Variants in CLGN observed in about 807,000 individuals in gnomAD.
The protein encoded by CLGN is testis tissue sperm-binding protein Li 79P.
CLGN carries 62 observed loss-of-function variants against 79.1 expected under a neutral mutation model. The observed-to-expected ratio is 0.78, with a 90% CI of 0.64 to 0.97. The LOEUF (loss-of-function observed/expected upper bound fraction) is 0.97, where lower values mean the gene tolerates loss of function less well. Ranked by LOEUF, CLGN falls within the 50% of genes least tolerant of loss-of-function variation. CLGN has a pLI of 0.00. For synonymous variants in CLGN, 225 were observed against 224.7 expected (o/e 1.00, Z -0.01); for missense variants, 647 against 715.5 (o/e 0.90, Z 1.09).
intron 5 of CLGN, among the ~76,000 whole-genome samples, chr4:140,404,391 C>A (rs1729056313): frequency 6.6e-6 from 1 of 152,050 alleles, no homozygotes; most frequent in Non-Finnish European, 1.5e-5. Flanking sequence ...CTGCGCCAGG[C>A]CTTTACTTCC....
Position 140,389,912 on chromosome 4 carries a change from A to T in CLGN, c.1753-608T>A, listed in dbSNP as rs1037334795. 3.3e-5 allele frequency among the ~76,000 whole-genome samples: 5 copies of T among 151,830 alleles called. 1 individual carries two copies. Among genetic ancestry groups the T allele is most frequent in the Non-Finnish European group, 5.9e-5 (4 of 67,730 alleles). On this transcript the variant is annotated intron_variant, in intron 14 of 14. Coordinates refer to ENST00000325617, the MANE Select transcript of CLGN (RefSeq NM_004362.3). The stretch of plus-strand genomic sequence containing the variant: ...AGAACTGTACTTTTATCCTACCTAC[A>T]TAGTTGGAATGTAATATGTTAGGAT...
intron 9 of CLGN, 26 bp downstream of exon 9, chr4:140,396,066 G>A (rs76628856): frequency 0.049 from 79,136 of 1,609,344 alleles, 2,559 homozygotes; most frequent in Middle Eastern, 0.11. Context: ...ATTTGAAATC[G>A]ACATTTGAAG....
At chr4:140,412,901 G>A in intron 2 of CLGN, 34 bp downstream of exon 2, 2 of 1,578,910 alleles carry the variant, frequency 1.3e-6, no homozygotes, top group South Asian at 1.1e-5. Context: ...CTATGTAAAG[G>A]AATAATTTAT....
Position 140,393,849 on chromosome 4 carries a change from T to C in CLGN, c.1342A>G (p.Ile448Val), listed in dbSNP as rs1359913092. The C allele has an allele frequency of 6.2e-7, 1 of 1,613,572 alleles. No homozygotes were observed. Among genetic ancestry groups the C allele is most frequent in the Admixed American group, 1.7e-5 (1 of 59,986 alleles). ...ACCTTATTAGCATTTGCTATCATTA[T>C]TTTCCATCTCCAACCATCTGCAGCC... is the stretch of plus-strand genomic sequence containing the variant. ...HWAADGWRWK[I>V]MIANANKPGV... Residue 448 changes from isoleucine to valine, a missense_variant, in exon 11 of 15, where the codon ATA becomes GTA. Ile to Val is a conservative substitution (Grantham distance 29). Transcript: ENST00000325617.
chr4:140,422,974 G>C (rs1029062292), intron 1 of CLGN, among the ~76,000 whole-genome samples: 1 of 152,020 alleles, frequency 6.6e-6, no homozygotes, highest in Admixed American at 6.6e-5. Context: ...TTAGGGTTTT[G>C]TACATACATA....
chr4:140,409,803 C>T (rs377276817), intron 4 of CLGN, 34 bp downstream of exon 4: 2 of 1,412,096 alleles, frequency 1.4e-6, no homozygotes, highest in Non-Finnish European at 2.0e-6. Context: ...CCAGGCCATA[C>T]TGGTTATATC....
At chr4:140,420,805 G>A (rs1159153951) in intron 1 of CLGN, among the ~76,000 whole-genome samples, 1 of 152,114 alleles carries the variant, frequency 6.6e-6, no homozygotes, top group Non-Finnish European at 1.5e-5. Flanking sequence ...GTCAGATGCT[G>A]GGGTAATACT....
rs115238672 is a variant in CLGN, at chr4:140,398,976, G to A, written c.759C>T (p.Leu253=). The A allele has an allele frequency of 0.015, 23,655 of 1,613,794 alleles. 241 individuals carry two copies. The highest frequency in any genetic ancestry group is 0.034 in the South Asian group (3,126 of 91,052). The stretch of plus-strand genomic sequence containing the variant: ...TGATAGGAGGAACCACATCCTCTAG[G>A]AGGCTTCCTTTGTTTACAACTGTTT... ...VDQTVVNKGS[L]LEDVVPPIKP... is the part of the protein sequence containing the mutation. The change falls in exon 8 of 15, where the codon CTC becomes CTT. Residue 253 remains leucine, a synonymous_variant. Coordinates refer to ENST00000325617, the MANE Select transcript of CLGN (RefSeq NM_004362.3).
At chr4:140,406,416 A>G (rs1226589835) in intron 4 of CLGN, among the ~76,000 whole-genome samples, 1 of 152,218 alleles carries the variant, frequency 6.6e-6, no homozygotes, top group Non-Finnish European at 1.5e-5. Flanking sequence ...GTTTGTCTCA[A>G]TAGGGTATGT....
chr4:140,398,535 A>G (rs1306327349), intron 8 of CLGN, among the ~76,000 whole-genome samples: 1 of 152,042 alleles, frequency 6.6e-6, no homozygotes, highest in Non-Finnish European at 1.5e-5. Flanking sequence ...TCTCACACAC[A>G]TACAATAAAG....
chr4:140,392,434 T>C (rs1264093378), intron 12 of CLGN, 56 bp from the exon 13 acceptor site: 3 of 1,528,594 alleles, frequency 2.0e-6, no homozygotes, highest in Admixed American at 4.4e-5. Context: ...TTTTGAAAGT[T>C]TTTTTGCAAT....
intron 6 of CLGN, among the ~76,000 whole-genome samples, chr4:140,401,688 G>T (rs973260910): frequency 1.3e-5 from 2 of 152,042 alleles, no homozygotes; most frequent in Non-Finnish European, 2.9e-5. Flanking sequence ...ATTCTGTAAA[G>T]AAAATAACTC....
chr4:140,396,126 T>C lies in CLGN; in HGVS notation c.964A>G (p.Ile322Val), dbSNP rs750614926. 6.2e-7 allele frequency: 1 copy of C among 1,614,190 alleles called. No individual in the cohort carries two copies. The highest frequency in any genetic ancestry group is 1.1e-5 in the South Asian group (1 of 91,084). ...GGTTTTTCAGCATTAGGATCAGGGA[T>C]AAATTTTGGTTCATCATCAAGCCAG... is the stretch of plus-strand genomic sequence containing the variant. ...AGWLDDEPKF[I>V]PDPNAEKPDD... The change falls in exon 9 of 15, where the codon ATC becomes GTC. Residue 322 changes from isoleucine to valine, a missense_variant. Coordinates refer to ENST00000325617, the MANE Select transcript of CLGN (RefSeq NM_004362.3).
At chr4:140,405,183 T>TTTTTTTTTA (rs1729079147) in intron 5 of CLGN, among the ~76,000 whole-genome samples, 2 of 91,490 alleles carry the variant, frequency 2.2e-5, no homozygotes, top group Non-Finnish European at 5.9e-5. Flanking sequence ...ATTTTTATTT[T>TTTTTTTTTA]TTTTTTTATT....
chr4:140,414,914 T>G (rs1205780739), intron 1 of CLGN, among the ~76,000 whole-genome samples: 1 of 149,794 alleles, frequency 6.7e-6, no homozygotes, highest in South Asian at 2.2e-4. Flanking sequence ...TCACCAAAGT[T>G]GAAATGAAGG....
intron 2 of CLGN, among the ~76,000 whole-genome samples, chr4:140,412,193 G>A (rs924351020): frequency 6.6e-6 from 1 of 152,078 alleles, no homozygotes; most frequent in African/African-American, 2.4e-5. Context: ...CAACACATTT[G>A]CCAATGAAAA....
intron 8 of CLGN, among the ~76,000 whole-genome samples, chr4:140,397,328 A>G (rs1272226060): frequency 1.3e-5 from 2 of 152,268 alleles, no homozygotes; most frequent in South Asian, 2.1e-4. Context: ...ATTTAGTAGC[A>G]TAAGTGATAC....
At chr4:140,415,749 A>G (rs1729315393) in intron 1 of CLGN, among the ~76,000 whole-genome samples, 2 of 128,188 alleles carry the variant, frequency 1.6e-5, no homozygotes. Context: ...CACATTAATA[A>G]TGGGAGACTT....
chr4:140,417,614 G>C (rs1271600457), intron 1 of CLGN, among the ~76,000 whole-genome samples: 1 of 149,668 alleles, frequency 6.7e-6, no homozygotes, highest in Non-Finnish European at 1.5e-5. Context: ...GCTTCAAAGA[G>C]AATAAAATAC....
Sources: allele counts gnomAD v4.1 joint callset (sites outside exome capture counted in the v4.1 genomes callset), GRCh38; gene constraint gnomAD v4.1.1; transcripts MANE v1.5; gene names NCBI Gene and HGNC (gene_info 2026-07-23, HGNC 2026-07-21).